The following CHCHD3 variants were observed in gnomAD, a reference collection of about 807,000 sequenced individuals.
CHCHD3 encodes the protein coiled-coil-helix-coiled-coil-helix domain containing 3.
In CHCHD3, 20 loss-of-function variants were observed where a neutral mutation model predicts 38.2. The observed-to-expected ratio is 0.52, with a 90% CI of 0.37 to 0.76. The LOEUF is 0.76. CHCHD3 is among the 30% of genes least tolerant of loss of function. The probability of loss-of-function intolerance (pLI) is 0.00; values close to 1 mark genes in which losing one functional copy is unlikely to be tolerated. For synonymous variants in CHCHD3, 82 were observed against 100.0 expected (o/e 0.82, Z 1.07); for missense variants, 245 against 279.2 (o/e 0.88, Z 0.87).
chr7:132,940,065 A>G (rs1251030414), intron 4 of CHCHD3, among the ~76,000 whole-genome samples: 1 of 152,110 alleles, frequency 6.6e-6, no homozygotes, highest in Non-Finnish European at 1.5e-5. Context: ...CATTAGCAAT[A>G]TTAGTGCTAA....
chr7:133,040,178 G>A (rs528985738), intron 2 of CHCHD3, among the ~76,000 whole-genome samples: 2 of 152,292 alleles, frequency 1.3e-5, no homozygotes, highest in African/African-American at 4.8e-5. Flanking sequence ...AATCAGCTAT[G>A]TTGGGTATAC....
At chr7:132,960,417 A>G (rs1585676703) in intron 4 of CHCHD3, among the ~76,000 whole-genome samples, 3 of 152,104 alleles carry the variant, frequency 2.0e-5, no homozygotes. Flanking sequence ...GTTATTTAGA[A>G]CTTGTTCTTT....
At chr7:132,820,783 G>A (rs964699718) in intron 6 of CHCHD3, among the ~76,000 whole-genome samples, 4 of 151,952 alleles carry the variant, frequency 2.6e-5, no homozygotes, top group South Asian at 2.1e-4. Flanking sequence ...AGTGACTACA[G>A]AACACGTTAG....
intron 4 of CHCHD3, among the ~76,000 whole-genome samples, chr7:132,947,334 T>A (rs988101615): frequency 1.3e-5 from 2 of 151,918 alleles, no homozygotes; most frequent in African/African-American, 4.8e-5. Context: ...TAATTTCTTT[T>A]CCTTCCTTCC....
intron 7 of CHCHD3, among the ~76,000 whole-genome samples, chr7:132,792,145 G>A (rs1049592886): frequency 6.6e-6 from 1 of 152,144 alleles, no homozygotes; most frequent in African/African-American, 2.4e-5. Flanking sequence ...GTCCCAGTTT[G>A]CCCTTGGTTG....
chr7:132,832,261 T>C (rs1807669409), intron 6 of CHCHD3, among the ~76,000 whole-genome samples: 1 of 152,186 alleles, frequency 6.6e-6, no homozygotes, highest in Non-Finnish European at 1.5e-5. Flanking sequence ...CCTAAGCTTC[T>C]TCTATGAGCC....
intron 2 of CHCHD3, among the ~76,000 whole-genome samples, chr7:133,031,480 T>G (rs1409715036): frequency 1.3e-5 from 2 of 151,832 alleles, no homozygotes; most frequent in African/African-American, 2.4e-5. Flanking sequence ...TTTTCCCACT[T>G]GTAATTCCCT....
chr7:132,796,337 G>T, intron 7 of CHCHD3, 105 bp downstream of exon 7: 1 of 1,293,874 alleles, frequency 7.7e-7, no homozygotes, highest in East Asian at 2.3e-5. Flanking sequence ...CTAGGGCTTA[G>T]AAAGCTTTTT....
intron 4 of CHCHD3, among the ~76,000 whole-genome samples, chr7:132,958,285 T>C (rs1350169633): frequency 6.6e-6 from 1 of 152,226 alleles, no homozygotes; most frequent in Non-Finnish European, 1.5e-5. Flanking sequence ...TGTATTCTTT[T>C]CTAAATAATA....
intron 2 of CHCHD3, among the ~76,000 whole-genome samples, chr7:133,060,466 A>C (rs544474182): frequency 2.0e-5 from 3 of 152,324 alleles, no homozygotes; most frequent in South Asian, 4.1e-4. Context: ...GGGTGTCATT[A>C]AAAGTTTCCT....
At chr7:133,041,443 T>C (rs1037634975) in intron 2 of CHCHD3, among the ~76,000 whole-genome samples, 1 of 152,188 alleles carries the variant, frequency 6.6e-6, no homozygotes, top group Non-Finnish European at 1.5e-5. Flanking sequence ...ACAATCATAG[T>C]ACCTACATAC....
chr7:133,004,779 G>C (rs1020258079), intron 3 of CHCHD3, among the ~76,000 whole-genome samples: 1 of 152,132 alleles, frequency 6.6e-6, no homozygotes, highest in Non-Finnish European at 1.5e-5. Flanking sequence ...TCAAATGTTG[G>C]TACATTTTAT....
intron 2 of CHCHD3, among the ~76,000 whole-genome samples, chr7:133,046,576 G>C (rs1047478462): frequency 6.0e-4 from 21 of 34,750 alleles, no homozygotes; most frequent in African/African-American, 2.6e-3. Flanking sequence ...TTTTTGGGGG[G>C]GGGAGACGGA....
chr7:132,995,775 A>T (rs903663110), intron 3 of CHCHD3, among the ~76,000 whole-genome samples: 3 of 152,086 alleles, frequency 2.0e-5, no homozygotes, highest in African/African-American at 7.2e-5. Context: ...CACTCCATTC[A>T]TTTTTTTATT....
At chr7:132,869,914 T>C (rs545964811) in intron 5 of CHCHD3, among the ~76,000 whole-genome samples, 7 of 151,940 alleles carry the variant, frequency 4.6e-5, no homozygotes, top group African/African-American at 1.5e-4. Context: ...TAAAATGATA[T>C]GCATGAAAGA....
chr7:133,074,046 A>C (rs1814905493), intron 1 of CHCHD3, among the ~76,000 whole-genome samples: 1 of 152,212 alleles, frequency 6.6e-6, no homozygotes, highest in African/African-American at 2.4e-5. Context: ...GCCTACCTAA[A>C]GCTACCATTC....
intron 5 of CHCHD3, among the ~76,000 whole-genome samples, chr7:132,853,893 G>A (rs926205528): frequency 6.6e-6 from 1 of 152,024 alleles, no homozygotes; most frequent in African/African-American, 2.4e-5. Context: ...GACAGGGAAG[G>A]GCTAGACTGC....
intron 4 of CHCHD3, among the ~76,000 whole-genome samples, chr7:132,896,079 C>G (rs1449105715): frequency 6.6e-6 from 1 of 151,954 alleles, no homozygotes; most frequent in Non-Finnish European, 1.5e-5. Context: ...CTTGTGTTAT[C>G]TATCATCTGG....
chr7:132,978,299 C>G (rs531201497), intron 3 of CHCHD3, among the ~76,000 whole-genome samples: 15 of 152,206 alleles, frequency 9.9e-5, no homozygotes, highest in African/African-American at 3.6e-4. Context: ...AATTTTTCAC[C>G]AATAAATTCT....
Sources: allele counts gnomAD v4.1 joint callset (sites outside exome capture counted in the v4.1 genomes callset), GRCh38; gene constraint gnomAD v4.1.1; transcripts MANE v1.5; gene names NCBI Gene and HGNC (gene_info 2026-07-23, HGNC 2026-07-21).